Variants in NEK10 observed in about 807,000 individuals in gnomAD.
NEK10 encodes the protein NIMA related kinase 10.
A neutral mutation model predicts 159.8 loss-of-function variants in NEK10; 122 were observed. The observed-to-expected ratio is 0.76, with a 90% confidence interval of 0.66 to 0.89. The LOEUF (loss-of-function observed/expected upper bound fraction) is 0.89, where lower values mean the gene tolerates loss of function less well. Among genes scored for constraint, NEK10 ranks in the 40% least tolerant of loss-of-function variants. The pLI, the probability that NEK10 is intolerant of heterozygous loss-of-function variation, is 0.00. For synonymous variants in NEK10, 466 were observed against 457.1 expected (o/e 1.02, Z -0.25); for missense variants, 1,342 against 1,323.1 (o/e 1.01, Z -0.22).
chr3:27,295,719 G>A (rs1051633552), intron 14 of NEK10, 29 bp from the exon 15 acceptor site: 1 of 1,546,646 alleles, frequency 6.5e-7, no homozygotes, highest in South Asian at 1.2e-5. Flanking sequence ...CATACTATGA[G>A]TGACAACACT....
intron 22 of NEK10, 23 bp from the exon 23 acceptor site, chr3:27,256,394 A>C (rs575307396): frequency 1.0e-5 from 15 of 1,448,990 alleles, no homozygotes; most frequent in Non-Finnish European, 1.3e-5. Context: ...AAACAACGCA[A>C]TATGTTACTA....
At chr3:27,120,319 TC>T (rs1487380823) in intron 32 of NEK10, among the ~76,000 whole-genome samples, 3 of 151,498 alleles carry the variant, frequency 2.0e-5, no homozygotes, top group Admixed American at 2.0e-4. Context: ...AGTTTCTTTT[TC>T]TTTTTTCTTT....
intron 22 of NEK10, chr3:27,278,976 G>A: frequency 1.0e-6 from 1 of 952,622 alleles, no homozygotes; most frequent in South Asian, 4.9e-5. Context: ...AACAAGACCT[G>A]AACATGTGTC....
chr3:27,314,226 C>A (rs2044965514), intron 7 of NEK10, 71 bp downstream of exon 7: 3 of 1,073,118 alleles, frequency 2.8e-6, no homozygotes, highest in Non-Finnish European at 4.2e-6. Context: ...CTGTCACATA[C>A]CCTTTTAATT....
intron 13 of NEK10, among the ~76,000 whole-genome samples, chr3:27,298,254 G>T (rs1452302638): frequency 1.3e-5 from 2 of 152,260 alleles, no homozygotes; most frequent in Non-Finnish European, 1.5e-5. Context: ...AATTATGGGG[G>T]TGGGTCTTTC....
At chr3:27,148,848 T>C (rs1944557184) in intron 30 of NEK10, among the ~76,000 whole-genome samples, 1 of 152,086 alleles carries the variant, frequency 6.6e-6, no homozygotes, top group Admixed American at 6.5e-5. Flanking sequence ...TAACAGGTGA[T>C]ATGCAATTTG....
At chr3:27,314,189 G>C (rs1453269389) in intron 7 of NEK10, 108 bp downstream of exon 7, 1 of 760,528 alleles carries the variant, frequency 1.3e-6, no homozygotes, top group African/African-American at 1.7e-5. Context: ...CTCTGGGGCA[G>C]ACAGCATAAC....
At chr3:27,123,566 G>GA (rs542897770) in intron 32 of NEK10, among the ~76,000 whole-genome samples, 38 of 152,048 alleles carry the variant, frequency 2.5e-4, no homozygotes, top group Non-Finnish European at 4.4e-4. Context: ...TCCAAACAAT[G>GA]AAAAAACACA....
At chr3:27,191,985 C>A in intron 26 of NEK10, 44 bp downstream of exon 26, 1 of 1,541,616 alleles carries the variant, frequency 6.5e-7, no homozygotes, top group Non-Finnish European at 9.0e-7. Flanking sequence ...CTTCAGACAG[C>A]CCATTAGAGT....
At chr3:27,234,643 G>A (rs1953700836) in intron 23 of NEK10, among the ~76,000 whole-genome samples, 1 of 152,274 alleles carries the variant, frequency 6.6e-6, no homozygotes, top group South Asian at 2.1e-4. Flanking sequence ...AACATTCCAT[G>A]TTCATGGATA....
At chr3:27,266,795 C>G (rs1253623375) in intron 22 of NEK10, among the ~76,000 whole-genome samples, 1 of 152,204 alleles carries the variant, frequency 6.6e-6, no homozygotes, top group Non-Finnish European at 1.5e-5. Context: ...AGAGGCTTCT[C>G]TTCTTTTCCA....
Position 27,158,612 on chromosome 3 carries a change from C to T in NEK10, c.2869+4089G>A, listed in dbSNP as rs143296143. Among the ~76,000 whole-genome samples the T allele has an allele frequency of 9.0e-4, 137 of 152,262 alleles. 1 individual carries two copies. The highest frequency in any genetic ancestry group is 3.2e-3 in the African/African-American group (133 of 41,566). ...AAATCATAAAGTGACAATTTCTATT[C>T]AAAATGCAGTGCATAAGAACCCATA... On this transcript the variant is annotated intron_variant, in intron 30 of 35. Transcript: ENST00000691995.
intron 28 of NEK10, among the ~76,000 whole-genome samples, chr3:27,173,498 G>C (rs1331126617): frequency 6.6e-6 from 1 of 152,088 alleles, no homozygotes; most frequent in Non-Finnish European, 1.5e-5. Flanking sequence ...GGAGAAAATA[G>C]GACAGAATAT....
At chr3:27,231,211 C>A (rs972862440) in intron 23 of NEK10, among the ~76,000 whole-genome samples, 1 of 151,834 alleles carries the variant, frequency 6.6e-6, no homozygotes, top group Non-Finnish European at 1.5e-5. Flanking sequence ...CTAAAAGGAA[C>A]CCTCCAAATC....
intron 23 of NEK10, among the ~76,000 whole-genome samples, chr3:27,253,390 G>A (rs925947973): frequency 1.3e-5 from 2 of 152,166 alleles, no homozygotes; most frequent in Non-Finnish European, 2.9e-5. Flanking sequence ...GGAATTGGAG[G>A]AAGACATAGA....
At chr3:27,222,112 C>T (rs34556357) in intron 23 of NEK10, among the ~76,000 whole-genome samples, 5,510 of 152,238 alleles carry the variant, frequency 0.036, 130 homozygotes, top group African/African-American at 0.055. Context: ...GCGGCAAATG[C>T]CTGTAATCCC....
At chr3:27,298,707 G>C (rs1342623781) in intron 13 of NEK10, among the ~76,000 whole-genome samples, 2 of 152,168 alleles carry the variant, frequency 1.3e-5, no homozygotes, top group Non-Finnish European at 2.9e-5. Context: ...TAATGATATG[G>C]ACAATGAAAT....
chr3:27,200,900 G>C (rs1004098012), intron 25 of NEK10, among the ~76,000 whole-genome samples: 9 of 152,102 alleles, frequency 5.9e-5, no homozygotes, highest in African/African-American at 2.2e-4. Context: ...GGACTAGTGG[G>C]AAGCACCATG....
intron 19 of NEK10, among the ~76,000 whole-genome samples, chr3:27,288,845 G>A (rs1014641057): frequency 2.0e-5 from 3 of 152,120 alleles, no homozygotes; most frequent in Non-Finnish European, 2.9e-5. Flanking sequence ...CTTTCTGCAC[G>A]TCTTTTTGAA....
Sources: gnomAD v4.1 joint callset for allele counts (sites outside exome capture counted in the v4.1 genomes callset) on GRCh38, gnomAD v4.1.1 for gene constraint, MANE v1.5 for transcripts, NCBI Gene and HGNC (gene_info 2026-07-23, HGNC 2026-07-21) for gene names.